Variants in FOXP1 observed in about 807,000 individuals in gnomAD.
FOXP1 encodes the protein forkhead box protein P1.
In FOXP1, 15 loss-of-function variants were observed where a neutral mutation model predicts 98.2. The ratio of observed to expected loss-of-function variants is 0.15; its 90% CI spans 0.10 to 0.24. FOXP1 has a LOEUF of 0.24. Among genes scored for constraint, FOXP1 ranks in the 10% least tolerant of loss-of-function variants. The pLI, the probability that FOXP1 is intolerant of heterozygous loss-of-function variation, is 1.00. For synonymous variants in FOXP1, 371 were observed against 314.5 expected, an observed-to-expected ratio of 1.18 and a Z score of -1.90; for missense variants, 633 against 848.5, an observed-to-expected ratio of 0.75 and a Z score of 3.15.
At chr3:71,153,222 CCT>C (rs1297890128) in intron 6 of FOXP1, among the ~76,000 whole-genome samples, 2 of 152,186 alleles carry the variant, frequency 1.3e-5, no homozygotes, top group Non-Finnish European at 2.9e-5. Flanking sequence ...CTCCTGCAGC[CCT>C]CTCAGGAGCA....
intron 4 of FOXP1, among the ~76,000 whole-genome samples, chr3:71,341,512 T>A (rs2077004682): frequency 6.6e-6 from 1 of 152,206 alleles, no homozygotes; most frequent in African/African-American, 2.4e-5. Flanking sequence ...CTAATGCCTG[T>A]AATCCTAGCA....
intron 4 of FOXP1, among the ~76,000 whole-genome samples, chr3:71,345,075 C>T (rs1180353697): frequency 6.6e-6 from 1 of 152,050 alleles, no homozygotes; most frequent in Non-Finnish European, 1.5e-5. Context: ...AGGGAAGCAA[C>T]TTATTTTTCA....
chr3:71,500,759 C>G (rs1300957035), intron 2 of FOXP1, among the ~76,000 whole-genome samples: 2 of 152,222 alleles, frequency 1.3e-5, no homozygotes, highest in African/African-American at 4.8e-5. Context: ...CAACAGCCCA[C>G]CTCACCTGTC....
At chr3:71,070,192 AAGGGGGACACCCCT>A (rs1490882691) in intron 7 of FOXP1, among the ~76,000 whole-genome samples, 1 of 152,252 alleles carries the variant, frequency 6.6e-6, no homozygotes, top group Non-Finnish European at 1.5e-5. Flanking sequence ...TGGGGGGAGA[AAGGGGGACACCCCT>A]AGTGAAATAT....
In FOXP1 at chr3:71,274,890, C is replaced by A. The variant is rs1406854453; in HGVS notation, c.-12+24930G>T. Among the ~76,000 whole-genome samples the A allele has an allele frequency of 2.0e-5, 3 of 152,184 alleles. No homozygotes were observed. In the South Asian group the frequency reaches 6.2e-4, roughly 32 times the overall value. On this transcript the variant is annotated intron_variant, in intron 5 of 20. Coordinates refer to ENST00000649528, the MANE Select transcript of FOXP1 (RefSeq NM_001349338.3). ...TGATCAATTGTAGCAGGGCTTGTTG[C>A]CCCTTTAGGTAGTAACACTTTGCTC...
intron 4 of FOXP1, among the ~76,000 whole-genome samples, chr3:71,313,747 G>C (rs974982568): frequency 5.3e-5 from 8 of 151,696 alleles, no homozygotes; most frequent in Admixed American, 3.9e-4. Flanking sequence ...GGATGGTCTC[G>C]ATCTCCTGAC....
At chr3:71,165,384 A>C (rs995230585) in intron 6 of FOXP1, among the ~76,000 whole-genome samples, 1 of 152,132 alleles carries the variant, frequency 6.6e-6, no homozygotes, top group Non-Finnish European at 1.5e-5. Flanking sequence ...AATTAAGGAG[A>C]CCAATTCTGC....
intron 9 of FOXP1, 38 bp downstream of exon 9, chr3:71,052,499 G>A (rs762100785): frequency 1.1e-6 from 1 of 889,570 alleles, no homozygotes; most frequent in East Asian, 2.4e-5. Flanking sequence ...AGTCCTCTGG[G>A]ATCTGTGGTT....
chr3:71,331,426 C>T (rs982194030), intron 4 of FOXP1, among the ~76,000 whole-genome samples: 10 of 151,566 alleles, frequency 6.6e-5, no homozygotes, highest in East Asian at 1.9e-4. Flanking sequence ...CGACAAGCGC[C>T]GCTCCCTGCT....
At chr3:71,330,031 A>G (rs1171984126) in intron 4 of FOXP1, among the ~76,000 whole-genome samples, 4 of 152,194 alleles carry the variant, frequency 2.6e-5, no homozygotes, top group Non-Finnish European at 5.9e-5. Context: ...CAACACAGGG[A>G]GAACCTGTTT....
At chr3:71,316,743 C>T (rs563421511) in intron 4 of FOXP1, among the ~76,000 whole-genome samples, 2 of 151,368 alleles carry the variant, frequency 1.3e-5, no homozygotes, top group African/African-American at 2.4e-5. Context: ...CGGCAACCTT[C>T]GCCTCCCAGG....
chr3:71,445,100 A>G (rs528117066), intron 3 of FOXP1, among the ~76,000 whole-genome samples: 1 of 152,276 alleles, frequency 6.6e-6, no homozygotes, highest in South Asian at 2.1e-4. Flanking sequence ...AATAGCTTCA[A>G]CATACCTTTA....
chr3:71,480,100 G>A (rs1360004876), intron 3 of FOXP1, among the ~76,000 whole-genome samples: 1 of 152,182 alleles, frequency 6.6e-6, no homozygotes, highest in Non-Finnish European at 1.5e-5. Flanking sequence ...GGAGGCTAAC[G>A]CAGAAGAATT....
At chr3:71,014,225 G>A (rs1298878743) in intron 12 of FOXP1, among the ~76,000 whole-genome samples, 2 of 152,118 alleles carry the variant, frequency 1.3e-5, no homozygotes, top group East Asian at 3.8e-4. Context: ...GCAACCTACA[G>A]AATGGGAGAA....
At chr3:71,492,217 T>C (rs144586991) in intron 3 of FOXP1, among the ~76,000 whole-genome samples, 124 of 152,196 alleles carry the variant, frequency 8.1e-4, no homozygotes, top group African/African-American at 2.8e-3. Flanking sequence ...TTTAGGAGGC[T>C]GAGACGGGCG....
intron 5 of FOXP1, among the ~76,000 whole-genome samples, chr3:71,260,122 T>C (rs1186195601): frequency 6.6e-6 from 1 of 152,202 alleles, no homozygotes; most frequent in Admixed American, 6.5e-5. Context: ...TAGCTGGGAC[T>C]ACAGGCACCT....
intron 3 of FOXP1, among the ~76,000 whole-genome samples, chr3:71,476,479 G>A (rs1388441910): frequency 4.0e-5 from 6 of 151,816 alleles, no homozygotes; most frequent in Non-Finnish European, 7.4e-5. Context: ...TTATGTCTAC[G>A]ACTGCCATTT....
chr3:71,578,145 C>G (rs565831782), intron 2 of FOXP1, among the ~76,000 whole-genome samples: 18 of 151,950 alleles, frequency 1.2e-4, no homozygotes, highest in Admixed American at 9.2e-4. Context: ...CTTTCTCGGT[C>G]GTGGAGAAGA....
At chr3:71,477,266 C>A (rs918248048) in intron 3 of FOXP1, among the ~76,000 whole-genome samples, 6 of 152,176 alleles carry the variant, frequency 3.9e-5, no homozygotes, top group African/African-American at 1.4e-4. Flanking sequence ...CCATTCTAGG[C>A]AGATGCTCAA....
Sources: allele counts gnomAD v4.1 joint callset (sites outside exome capture counted in the v4.1 genomes callset), GRCh38; gene constraint gnomAD v4.1.1; transcripts MANE v1.5; gene names NCBI Gene and HGNC (gene_info 2026-07-23, HGNC 2026-07-21).